Variants in NFIA observed in about 807,000 individuals in gnomAD.
NFIA encodes the protein nuclear factor 1 A-type.
Under a neutral mutation model 62.8 loss-of-function variants are expected in NFIA, and 8 were observed. The ratio of observed to expected loss-of-function variants is 0.13; its 90% CI spans 0.07 to 0.23. The LOEUF (loss-of-function observed/expected upper bound fraction) is 0.23, where lower values mean the gene tolerates loss of function less well. Ranked by LOEUF, NFIA falls within the 10% of genes least tolerant of loss-of-function variation. The probability of loss-of-function intolerance (pLI) is 1.00; values close to 1 mark genes in which losing one functional copy is unlikely to be tolerated. For missense variants in NFIA, 410 were observed against 642.1 expected (o/e 0.64, Z 3.91); for synonymous variants, 235 against 238.1 (o/e 0.99, Z 0.12).
rs34853369 is a variant in NFIA at position 61,358,379 on chromosome 1, C to CTTTTTT, written c.819-748_819-743dup. Among the ~76,000 whole-genome samples, 209 of 52,596 alleles carry CTTTTTT rather than the reference C, an allele frequency of 4.0e-3. 4 individuals are homozygous for CTTTTTT. Among genetic ancestry groups the CTTTTTT allele is most frequent in the Non-Finnish European group, 4.7e-3 (147 of 31,540 alleles). The allele number at this position is 52,596 out of a possible 152,430, so 34.5% of individuals were successfully genotyped here. On this transcript the variant is annotated intron_variant, in intron 5 of 10. Transcript: ENST00000403491. The stretch of plus-strand genomic sequence containing the variant: ...TCATTTTCTTTTCTTTTCTTTCTTT[C>CTTTTTT]TTTTTTTTTTTTTTTTTTTTTTTTT...
intron 6 of NFIA, among the ~76,000 whole-genome samples, chr1:61,371,221 A>G (rs1449409883): frequency 6.6e-6 from 1 of 152,190 alleles, no homozygotes; most frequent in Non-Finnish European, 1.5e-5. Flanking sequence ...TCCACGTGTA[A>G]GGCTTAAAAG....
At chr1:61,390,146 T>G (rs1352563827) in intron 7 of NFIA, among the ~76,000 whole-genome samples, 1 of 152,184 alleles carries the variant, frequency 6.6e-6, no homozygotes, top group Non-Finnish European at 1.5e-5. Context: ...TACAGTGGCA[T>G]CTGGCACTAC....
intron 2 of NFIA, among the ~76,000 whole-genome samples, chr1:61,184,570 C>G (rs1210565616): frequency 6.6e-6 from 1 of 152,258 alleles, no homozygotes. Context: ...ACAGCACACT[C>G]GCTGGGTGAG....
chr1:61,149,550 A>G (rs1441395905), intron 2 of NFIA, among the ~76,000 whole-genome samples: 1 of 152,194 alleles, frequency 6.6e-6, no homozygotes, highest in Non-Finnish European at 1.5e-5. Context: ...TACCAGTACC[A>G]ACTAATTCCT....
At chr1:61,418,174 C>T (rs557781976) in intron 9 of NFIA, among the ~76,000 whole-genome samples, 4 of 152,196 alleles carry the variant, frequency 2.6e-5, no homozygotes, top group African/African-American at 9.6e-5. Flanking sequence ...AAAAATCATC[C>T]ATAATCCGGC....
chr1:61,121,676 C>T (rs1646889359), intron 2 of NFIA, among the ~76,000 whole-genome samples: 1 of 152,068 alleles, frequency 6.6e-6, no homozygotes, highest in Non-Finnish European at 1.5e-5. Context: ...GTAATTTTCT[C>T]CCTCTTACCC....
At chr1:61,386,415 TC>T (rs1011469194) in intron 7 of NFIA, among the ~76,000 whole-genome samples, 1 of 152,162 alleles carries the variant, frequency 6.6e-6, no homozygotes, top group African/African-American at 2.4e-5. Context: ...CTTTATCAGG[TC>T]CCCAGGGCAT....
chr1:61,126,257 A>C (rs182168001), intron 2 of NFIA, among the ~76,000 whole-genome samples: 1 of 152,172 alleles, frequency 6.6e-6, no homozygotes, highest in African/African-American at 2.4e-5. Context: ...ATTCTTTAAA[A>C]ATTCTTTCTT....
intron 4 of NFIA, among the ~76,000 whole-genome samples, chr1:61,347,414 C>T (rs6679119): frequency 0.041 from 6,182 of 151,928 alleles, 419 homozygotes; most frequent in African/African-American, 0.14. Context: ...ACCTCATGAT[C>T]CGCCTGCCTC....
chr1:61,390,984 A>G (rs531621943), intron 7 of NFIA, among the ~76,000 whole-genome samples: 5 of 152,252 alleles, frequency 3.3e-5, no homozygotes, highest in Non-Finnish European at 5.9e-5. Flanking sequence ...TATATTCAGC[A>G]GCACGTAGAA....
At chr1:61,084,949 T>C (rs535698150) in intron 1 of NFIA, among the ~76,000 whole-genome samples, 2 of 152,202 alleles carry the variant, frequency 1.3e-5, no homozygotes, top group African/African-American at 4.8e-5. Context: ...GAAATGCTTA[T>C]TTAGTGTAAC....
chr1:61,147,352 C>T (rs761282393), intron 2 of NFIA, among the ~76,000 whole-genome samples: 8 of 152,076 alleles, frequency 5.3e-5, no homozygotes, highest in East Asian at 1.9e-4. Context: ...GGTTTCACCA[C>T]GTTGGCCAGG....
intron 3 of NFIA, among the ~76,000 whole-genome samples, chr1:61,281,590 C>A (rs923677227): frequency 3.9e-5 from 6 of 152,274 alleles, no homozygotes; most frequent in Middle Eastern, 3.4e-3. Flanking sequence ...TTGTTTTATC[C>A]TCACAATCTG....
chr1:61,362,459 C>G (rs1215378607), intron 6 of NFIA, among the ~76,000 whole-genome samples: 1 of 152,138 alleles, frequency 6.6e-6, no homozygotes, highest in Non-Finnish European at 1.5e-5. Flanking sequence ...TTTCCGTTTA[C>G]CTGCCTTAAA....
intron 2 of NFIA, among the ~76,000 whole-genome samples, chr1:61,091,301 A>G (rs755377576): frequency 1.3e-5 from 2 of 152,140 alleles, no homozygotes; most frequent in Non-Finnish European, 2.9e-5. Flanking sequence ...TTGAAATCTC[A>G]GAACATACGT....
intron 2 of NFIA, among the ~76,000 whole-genome samples, chr1:61,162,464 A>G (rs1413469344): frequency 2.6e-5 from 4 of 152,194 alleles, no homozygotes; most frequent in Non-Finnish European, 5.9e-5. Flanking sequence ...CCACATGCTT[A>G]CCTGGGGTCT....
intron 4 of NFIA, among the ~76,000 whole-genome samples, chr1:61,347,390 G>A (rs1296270160): frequency 6.6e-6 from 1 of 151,610 alleles, no homozygotes; most frequent in Admixed American, 6.6e-5. Flanking sequence ...AGCCAGGATG[G>A]TCTCGATCTC....
At chr1:61,348,027 T>C (rs1214422738) in intron 4 of NFIA, among the ~76,000 whole-genome samples, 2 of 152,216 alleles carry the variant, frequency 1.3e-5, no homozygotes, top group Non-Finnish European at 2.9e-5. Context: ...TATCAAAACA[T>C]GGCATCATGG....
intron 6 of NFIA, 90 bp downstream of exon 6, chr1:61,359,364 G>A: frequency 6.3e-7 from 1 of 1,576,726 alleles, no homozygotes; most frequent in East Asian, 2.3e-5. Context: ...AGTGAAGAAA[G>A]AAAGCTCAAG....
Sources: gnomAD v4.1 joint callset for allele counts (sites outside exome capture counted in the v4.1 genomes callset) on GRCh38, gnomAD v4.1.1 for gene constraint, MANE v1.5 for transcripts, NCBI Gene and HGNC (gene_info 2026-07-23, HGNC 2026-07-21) for gene names.